CSMD1: variants seen among roughly 807,000 people sequenced by gnomAD.
CSMD1 encodes the protein CUB and Sushi multiple domains 1.
Under a neutral mutation model 417.5 loss-of-function variants are expected in CSMD1, and 213 were observed. That is an observed-to-expected ratio of 0.51 (90% confidence interval 0.46 to 0.57). The LOEUF (loss-of-function observed/expected upper bound fraction) is 0.57, where lower values mean the gene tolerates loss of function less well. CSMD1 is among the 20% of genes least tolerant of loss of function. The probability of loss-of-function intolerance (pLI) is 0.00; values close to 1 mark genes in which losing one functional copy is unlikely to be tolerated. For synonymous variants in CSMD1, 2,862 were observed against 1,736.8 expected, an observed-to-expected ratio of 1.65 and a Z score of -16.11; for missense variants, 6,923 against 4,529.7, an observed-to-expected ratio of 1.53 and a Z score of -15.17.
chr8:4,193,638 G>A (rs1238927635), intron 3 of CSMD1, among the ~76,000 whole-genome samples: 1 of 152,086 alleles, frequency 6.6e-6, no homozygotes, highest in African/African-American at 2.4e-5. Flanking sequence ...TGTCAAGGGA[G>A]GCCCAGTGTT....
At chr8:3,649,008 G>T (rs117608703) in intron 7 of CSMD1, among the ~76,000 whole-genome samples, 1 of 152,084 alleles carries the variant, frequency 6.6e-6, no homozygotes, top group Non-Finnish European at 1.5e-5. Flanking sequence ...AGCTTTTAAG[G>T]TATGTACTGT....
At chr8:4,370,836 ATTG>A (rs1802352575) in intron 3 of CSMD1, among the ~76,000 whole-genome samples, 1 of 152,068 alleles carries the variant, frequency 6.6e-6, no homozygotes, top group Admixed American at 6.6e-5. Flanking sequence ...AGATCATTTT[ATTG>A]TTTTCCTTGG....
At chr8:3,705,026 C>A (rs939931283) in intron 7 of CSMD1, among the ~76,000 whole-genome samples, 1 of 152,174 alleles carries the variant, frequency 6.6e-6, no homozygotes, top group Non-Finnish European at 1.5e-5. Flanking sequence ...AAACCTTGAA[C>A]ATTTTCTATC....
chr8:4,013,396 C>G (rs1167214886), intron 4 of CSMD1, among the ~76,000 whole-genome samples: 1 of 152,154 alleles, frequency 6.6e-6, no homozygotes, highest in African/African-American at 2.4e-5. Context: ...TCTCGCAGGG[C>G]TCACTCTGTC....
intron 12 of CSMD1, among the ~76,000 whole-genome samples, chr8:3,420,059 G>T (rs1033988845): frequency 6.6e-6 from 1 of 152,118 alleles, no homozygotes; most frequent in Non-Finnish European, 1.5e-5. Context: ...GGTATATTAA[G>T]TTCTATCTCT....
At chr8:3,959,106 T>G (rs746754798) in intron 5 of CSMD1, among the ~76,000 whole-genome samples, 1 of 152,204 alleles carries the variant, frequency 6.6e-6, no homozygotes, top group African/African-American at 2.4e-5. Context: ...TGTCACATGC[T>G]TTCACTTTTA....
At chr8:3,507,130 CAG>C (rs1796860224) in intron 10 of CSMD1, among the ~76,000 whole-genome samples, 1 of 151,990 alleles carries the variant, frequency 6.6e-6, no homozygotes, top group Non-Finnish European at 1.5e-5. Context: ...ATTGAATAAA[CAG>C]AATTTACATA....
chr8:3,535,449 C>T (rs1798156441), intron 10 of CSMD1, among the ~76,000 whole-genome samples: 1 of 152,138 alleles, frequency 6.6e-6, no homozygotes, highest in Non-Finnish European at 1.5e-5. Context: ...ATCCACATTG[C>T]TGCAAAAGCC....
intron 2 of CSMD1, among the ~76,000 whole-genome samples, chr8:4,563,844 G>C (rs1026793142): frequency 6.6e-6 from 1 of 152,122 alleles, no homozygotes; most frequent in Non-Finnish European, 1.5e-5. Flanking sequence ...GAATATCTAG[G>C]ATATCTGCTG....
chr8:4,291,472 T>C (rs943170015), intron 3 of CSMD1, among the ~76,000 whole-genome samples: 18 of 152,306 alleles, frequency 1.2e-4, no homozygotes, highest in African/African-American at 3.1e-4. Context: ...ATTTTTCTTT[T>C]TTATCTACTA....
chr8:4,709,103 G>T (rs1436180083), intron 1 of CSMD1, among the ~76,000 whole-genome samples: 1 of 152,126 alleles, frequency 6.6e-6, no homozygotes, highest in African/African-American at 2.4e-5. Flanking sequence ...TGGTAGACTG[G>T]GTTGGAAAAA....
At chr8:4,492,709 G>A (rs1369480294) in intron 2 of CSMD1, among the ~76,000 whole-genome samples, 1 of 152,152 alleles carries the variant, frequency 6.6e-6, no homozygotes, top group Admixed American at 6.5e-5. Context: ...GTCGTCACAT[G>A]TAGACCCATG....
Position 3,781,971 on chromosome 8 carries a change from A to G in CSMD1, c.819-27929T>C, listed in dbSNP as rs191203339. 1.8e-4 allele frequency among the ~76,000 whole-genome samples: 27 copies of G among 152,288 alleles called. 1 individual carries two copies. The East Asian group carries it at 5.2e-3, about 29-fold the overall frequency. The stretch of plus-strand genomic sequence containing the variant: ...TCCATTAAAAAAGGAGTATGTGGTA[A>G]GAGAAGGGATGATGATACTGAAAGA... On this transcript the variant is annotated intron_variant, in intron 5 of 69. Coordinates refer to ENST00000635120, the MANE Select transcript of CSMD1 (RefSeq NM_033225.6).
intron 1 of CSMD1, among the ~76,000 whole-genome samples, chr8:4,923,041 A>G (rs1174914743): frequency 1.3e-5 from 2 of 152,212 alleles, no homozygotes; most frequent in African/African-American, 2.4e-5. Context: ...CTACTCAGGC[A>G]TAACTCCAAG....
chr8:3,595,676 T>A (rs1213122101), intron 8 of CSMD1, among the ~76,000 whole-genome samples: 1 of 152,170 alleles, frequency 6.6e-6, no homozygotes, highest in Non-Finnish European at 1.5e-5. Flanking sequence ...AGCACCGCAT[T>A]GACAATGAGG....
chr8:3,027,238 T>C lies in CSMD1; in HGVS notation c.7855+2081A>G, dbSNP rs1809999375. Reference sequence around the variant, plus strand: ...TTCAGTTTGGTCACAAAAGTAACAATATACTCCATGTCAGCTTTCCCCAGC... The same window carrying C: ...TTCAGTTTGGTCACAAAAGTAACAACATACTCCATGTCAGCTTTCCCCAGC... On this transcript the variant is annotated intron_variant, in intron 51 of 69. Coordinates refer to ENST00000635120, the MANE Select transcript of CSMD1 (RefSeq NM_033225.6). 3.9e-5 allele frequency among the ~76,000 whole-genome samples: 6 copies of C among 152,190 alleles called. No homozygotes were observed. In the South Asian group the frequency reaches 1.2e-3, roughly 32 times the overall value.
intron 2 of CSMD1, among the ~76,000 whole-genome samples, chr8:4,625,150 A>T (rs927631133): frequency 4.6e-5 from 7 of 152,108 alleles, no homozygotes; most frequent in Non-Finnish European, 1.0e-4. Flanking sequence ...CAGGGAAAAT[A>T]CGAGGACGGG....
chr8:4,295,190 ATG>A lies in CSMD1; in HGVS notation c.415+124761_415+124762del, dbSNP rs1217689666. On this transcript the variant is annotated intron_variant, in intron 3 of 69. Transcript: ENST00000635120. Reference sequence around the variant, plus strand: ...CTTAAGATTATATAATCTTAAGATTATGCACATATAATCTTAAGATTTTCTAT... The same window carrying A: ...CTTAAGATTATATAATCTTAAGATTACACATATAATCTTAAGATTTTCTAT... Among the ~76,000 whole-genome samples, 283 of 62,146 alleles carry A rather than the reference ATG, an allele frequency of 4.6e-3. 5 individuals carry two copies. The highest frequency in any genetic ancestry group is 0.013 in the African/African-American group (254 of 20,242). 40.8% of individuals were successfully genotyped at this position (62,146 alleles called of 152,430 possible). A position where few individuals can be genotyped will look rare whatever the true frequency, so the allele number is the denominator to read the frequency against.
intron 20 of CSMD1, among the ~76,000 whole-genome samples, chr8:3,360,723 A>C (rs1317020656): frequency 6.6e-6 from 1 of 152,196 alleles, no homozygotes; most frequent in African/African-American, 2.4e-5. Flanking sequence ...TTCTAAAAAA[A>C]ATTACTTCTA....
Sources: allele counts gnomAD v4.1 joint callset (sites outside exome capture counted in the v4.1 genomes callset), GRCh38; gene constraint gnomAD v4.1.1; transcripts MANE v1.5; gene names NCBI Gene and HGNC (gene_info 2026-07-23, HGNC 2026-07-21).